FANCB: variants seen among roughly 807,000 people sequenced by gnomAD.
The protein encoded by FANCB is Fanconi anemia group B protein.
A neutral mutation model predicts 38.9 loss-of-function variants in FANCB; 5 were observed. The ratio of observed to expected loss-of-function variants is 0.13; its 90% CI spans 0.07 to 0.27. FANCB has a LOEUF of 0.27. FANCB is among the 10% of genes least tolerant of loss of function. The pLI is 1.00. For synonymous variants in FANCB, 236 were observed against 215.4 expected (o/e 1.10, Z -0.84); for missense variants, 573 against 602.7 (o/e 0.95, Z 0.52).
chrX:14,702,689 C>G, the FANCB span, among the ~76,000 whole-genome samples: 1 of 111,192 alleles, frequency 9.0e-6, no homozygotes, highest in Non-Finnish European at 1.9e-5. Flanking sequence ...AGGTTAAAAT[C>G]AAGGTATTGG....
intron 5 of FANCB, among the ~76,000 whole-genome samples, chrX:14,855,880 C>T (rs1289866358): frequency 3.6e-5 from 4 of 112,056 alleles, no homozygotes; most frequent in Non-Finnish European, 7.5e-5. Context: ...TTCTCCTTAT[C>T]TCTCTGGGTT....
the FANCB span, among the ~76,000 whole-genome samples, chrX:14,754,902 T>C: frequency 9.0e-5 from 10 of 111,523 alleles, no homozygotes; most frequent in Non-Finnish European, 1.9e-4. Context: ...CAATAAAAAC[T>C]ACAGGCCAAT....
At chrX:14,818,493 T>C in the FANCB span, among the ~76,000 whole-genome samples, 2 of 109,220 alleles carry the variant, frequency 1.8e-5, no homozygotes, top group Non-Finnish European at 3.8e-5. Context: ...AACAATTTAA[T>C]AAGCATGAGT....
chrX:14,844,939 A>G lies in FANCB; in HGVS notation c.1844T>C (p.Val615Ala). 1.7e-6 allele frequency: 2 copies of G among 1,203,043 alleles called. No individual in the cohort carries two copies. The highest frequency in any genetic ancestry group is 3.6e-5 in the South Asian group (2 of 55,602). Residue 615 changes from valine (V) to alanine (A), a missense_variant, in exon 8 of 10, where the codon GTT becomes GCT. By Grantham distance (64) the Val-to-Ala change is moderately conservative (BLOSUM62 0). Transcript: ENST00000650831. ...ACTTAAAAAAACTCTGCCACACACA[A>G]CATAACGATCTTTAGGACAGTTACC... ...ESGNCPKDRY[V>A]VCGRVFLSLE...
the FANCB span, among the ~76,000 whole-genome samples, chrX:14,807,812 C>A: frequency 3.2e-4 from 35 of 110,935 alleles, no homozygotes; most frequent in African/African-American, 1.0e-3. Flanking sequence ...AATTGAGAAA[C>A]CTTTAGCCAG....
chrX:14,820,324 T>C, the FANCB span, among the ~76,000 whole-genome samples: 1 of 111,941 alleles, frequency 8.9e-6, no homozygotes, highest in South Asian at 3.7e-4. Flanking sequence ...TGCTTCCTAC[T>C]TCCTTATGTT....
downstream of FANCB, among the ~76,000 whole-genome samples, chrX:14,833,453 C>T (rs182210212): frequency 2.6e-4 from 29 of 112,188 alleles, no homozygotes; most frequent in Non-Finnish European, 4.3e-4. Context: ...TCAGGCACCA[C>T]CCTAGACTTA....
the FANCB span, among the ~76,000 whole-genome samples, chrX:14,720,061 G>C: frequency 9.0e-6 from 1 of 111,358 alleles, no homozygotes; most frequent in Non-Finnish European, 1.9e-5. Flanking sequence ...GTGAGGAATA[G>C]GGACAGTTTG....
At chrX:14,772,931 G>C in the FANCB span, among the ~76,000 whole-genome samples, 1 of 111,186 alleles carries the variant, frequency 9.0e-6, no homozygotes, top group East Asian at 2.8e-4. Flanking sequence ...AGTTCCTTTG[G>C]CTCCATGCTG....
chrX:14,695,692 C>T, the FANCB span, among the ~76,000 whole-genome samples: 2 of 111,833 alleles, frequency 1.8e-5, no homozygotes, highest in African/African-American at 6.5e-5. Context: ...GGGAGAATGA[C>T]TATGGTTGCT....
At chrX:14,749,460 C>T in the FANCB span, among the ~76,000 whole-genome samples, 5 of 110,824 alleles carry the variant, frequency 4.5e-5, no homozygotes, top group Non-Finnish European at 9.4e-5. Flanking sequence ...TATTGGCTGC[C>T]AGATATTGTT....
chrX:14,802,588 A>G, the FANCB span, among the ~76,000 whole-genome samples: 1 of 112,020 alleles, frequency 8.9e-6, no homozygotes. Context: ...GGAAAATTCA[A>G]TGGGACACTA....
chrX:14,713,731 A>G, the FANCB span, among the ~76,000 whole-genome samples: 2 of 111,303 alleles, frequency 1.8e-5, no homozygotes, highest in Non-Finnish European at 3.8e-5. Flanking sequence ...AATGTTGACT[A>G]TCTAGCCCTT....
At chrX:14,840,132 C>A (rs1297250558), downstream of FANCB, among the ~76,000 whole-genome samples, 2 of 112,064 alleles carry the variant, frequency 1.8e-5, no homozygotes, top group Non-Finnish European at 3.8e-5. Flanking sequence ...GCTGGGATTA[C>A]AGGCGTGAGC....
chrX:14,815,090 T>C, the FANCB span, among the ~76,000 whole-genome samples: 1 of 111,266 alleles, frequency 9.0e-6, no homozygotes, highest in East Asian at 2.8e-4. Context: ...AAACACTGCA[T>C]GTTCTCACTC....
chrX:14,837,741 C>G (rs1427835171), intron 10 of FANCB, among the ~76,000 whole-genome samples: 1 of 112,422 alleles, frequency 8.9e-6, no homozygotes. Context: ...TACAAACTGA[C>G]TTTATACACA....
chrX:14,718,897 T>A, the FANCB span, among the ~76,000 whole-genome samples: 2 of 111,760 alleles, frequency 1.8e-5, no homozygotes, highest in Non-Finnish European at 3.8e-5. Context: ...CAAGCAAACA[T>A]AAGCCTGCCC....
the FANCB span, among the ~76,000 whole-genome samples, chrX:14,801,738 T>C: frequency 9.0e-6 from 1 of 110,538 alleles, no homozygotes; most frequent in African/African-American, 3.3e-5. Flanking sequence ...GATCATTAGC[T>C]CAAAATTCCC....
Position 14,845,362 on chromosome X carries a change from A to C in FANCB, c.1497-76T>G, listed in dbSNP as rs1009662041. On this transcript the variant is annotated intron_variant, in intron 7 of 9. Coordinates refer to ENST00000650831, the MANE Select transcript of FANCB (RefSeq NM_001018113.3). ...CAAATTGATGATTAAATGTCATACA[A>C]ACAACAGTAAAAAATGTTTATTCTT... 18 of 742,714 alleles carry C rather than the reference A, an allele frequency of 2.4e-5. No individual in the cohort carries two copies. The African/African-American group carries it at 3.6e-4, about 15-fold the overall frequency. The allele number at this position is 742,714 out of a possible 1,213,427, so 61.2% of individuals were successfully genotyped here.
Sources: gnomAD v4.1 joint callset for allele counts (sites outside exome capture counted in the v4.1 genomes callset) on GRCh38, gnomAD v4.1.1 for gene constraint, MANE v1.5 for transcripts, NCBI Gene and HGNC (gene_info 2026-07-23, HGNC 2026-07-21) for gene names.